Variants in IGSF8 observed in about 807,000 individuals in gnomAD.
IGSF8 encodes immunoglobulin superfamily member 8.
In IGSF8, 46 loss-of-function variants were observed where a neutral mutation model predicts 55.5. The observed-to-expected ratio is 0.83, with a 90% CI of 0.65 to 1.06. The LOEUF (loss-of-function observed/expected upper bound fraction) is 1.06, where lower values mean the gene tolerates loss of function less well. IGSF8 is among the 50% of genes least tolerant of loss of function. IGSF8 has a pLI of 0.00. For missense variants in IGSF8, 731 were observed against 832.3 expected, an observed-to-expected ratio of 0.88 and a Z score of 1.50; for synonymous variants, 314 against 356.1, an observed-to-expected ratio of 0.88 and a Z score of 1.33.
Position 160,093,329 on chromosome 1 carries a change from T to C in IGSF8, c.907A>G (p.Ser303Gly). The C allele has an allele frequency of 1.3e-6, 2 of 1,581,014 alleles. No individual in the cohort carries two copies. Among genetic ancestry groups the C allele is most frequent in the Non-Finnish European group, 1.7e-6 (2 of 1,156,012 alleles). The change falls in exon 4 of 7, where the codon AGC becomes GGC. Residue 303 changes from serine (S) to glycine (G), a missense_variant and splice_region_variant. Ser to Gly is a moderately conservative substitution (Grantham distance 56). Transcript: ENST00000314485. ...GGCCCCACTGTCACTGCCAGCTGGC[T>C]GGCTGAAACACAGGTAGGGGAAGAG... Reference protein sequence around the residue: ...LAHVDVQTLSSQLAVTVGPGE... With the variant: ...LAHVDVQTLSGQLAVTVGPGE...
rs773908198 is a variant in IGSF8, at chr1:160,095,046, C to G, written c.265G>C (p.Ala89Pro). The G allele has an allele frequency of 5.0e-6, 8 of 1,614,078 alleles. No homozygotes were observed. Among genetic ancestry groups the G allele is most frequent in the Non-Finnish European group, 6.8e-6 (8 of 1,180,050 alleles). ...VSTKDTQFSY[A>P]VFKSRVVAGE... ...GCCACCACTCGGGACTTGAAGACAGCATAGGAGAACTGGGTATCCTTGGTA... is the reference window on the plus strand; with the variant it reads ...GCCACCACTCGGGACTTGAAGACAGGATAGGAGAACTGGGTATCCTTGGTA... The change falls in exon 2 of 7, where the codon GCT (alanine) becomes CCT (proline). Residue 89 changes from alanine (A) to proline (P), a missense_variant. Transcript: ENST00000314485.
chr1:160,092,565 C>T lies in IGSF8; in HGVS notation c.1443G>A (p.Val481=), dbSNP rs1650050364. 1.9e-6 allele frequency: 3 copies of T among 1,610,522 alleles called. No individual in the cohort carries two copies. Among genetic ancestry groups the T allele is most frequent in the Non-Finnish European group, 2.5e-6 (3 of 1,179,694 alleles). Reference sequence around the variant, plus strand: ...TGAGCTCTCCGTCCTCTGGTCGCTCCACCCACCAGCTGGCGGCCAGCCGCA... The same window carrying T: ...TGAGCTCTCCGTCCTCTGGTCGCTCTACCCACCAGCTGGCGGCCAGCCGCA... ...PGLRLAASWW[V]ERPEDGELSS... is the part of the protein sequence containing the mutation. The change falls in exon 5 of 7, where the codon GTG becomes GTA. Residue 481 remains valine (V), a synonymous_variant. Coordinates refer to ENST00000314485, the MANE Select transcript of IGSF8 (RefSeq NM_052868.6).
rs781062784 is a variant in IGSF8 at position 160,092,913 on chromosome 1, C to A, written c.1312+11G>T. 6.3e-6 allele frequency: 10 copies of A among 1,585,954 alleles called. No homozygotes were observed. The Middle Eastern group carries it at 6.7e-4, about 106-fold the overall frequency. ...TCCTCGAACCCCGTCCAGGGCCCAGCCCCCTCTCACCTTCCTCCCGCACAT... is the reference window on the plus strand; with the variant it reads ...TCCTCGAACCCCGTCCAGGGCCCAGACCCCTCTCACCTTCCTCCCGCACAT... On this transcript the variant is annotated intron_variant, in intron 4 of 6. Transcript: ENST00000314485.
Position 160,093,123 on chromosome 1 carries a change from G to A in IGSF8, c.1113C>T (p.Gly371=), listed in dbSNP as rs774281633. The A allele has an allele frequency of 4.3e-6, 7 of 1,613,826 alleles. No individual in the cohort carries two copies. Among genetic ancestry groups the A allele is most frequent in the Non-Finnish European group, 5.1e-6 (6 of 1,179,796 alleles). ...QLDTEGVGSL[G]PGYEGRHIAM... is the part of the protein sequence containing the mutation. ...CAATGTGTCGGCCCTCATAGCCAGG[G>A]CCCAGGCTGCCCACACCCTCTGTGT... Residue 371 remains glycine (G), a synonymous_variant, in exon 4 of 7, where the codon GGC becomes GGT. Transcript: ENST00000314485.
intron 1 of IGSF8, 196 bp from the exon 2 acceptor site, chr1:160,095,442 T>C: frequency 1.6e-6 from 1 of 631,708 alleles, no homozygotes; most frequent in Non-Finnish European, 2.7e-6. Flanking sequence ...GGAGGTGGCA[T>C]GGGCCCAGGA....
chr1:160,092,489 C>T lies in IGSF8; in HGVS notation c.1519G>A (p.Glu507Lys), dbSNP rs148490738. The T allele has an allele frequency of 1.3e-5, 21 of 1,613,558 alleles. No homozygotes were observed. The African/African-American group carries it at 2.8e-4, about 21-fold the overall frequency. Residue 507 changes from glutamate (E) to lysine (K), a missense_variant, in exon 5 of 7, where the codon GAG becomes AAG. Glu to Lys is a moderately conservative substitution (Grantham distance 56). Transcript: ENST00000314485. ...CCTCCTCCAGGCCGGACTCCCAGCTCTGCCACACCATCCTGGCCTACGCCA... is the reference window on the plus strand; with the variant it reads ...CCTCCTCCAGGCCGGACTCCCAGCTTTGCCACACCATCCTGGCCTACGCCA... ...VGGVGQDGVA[E>K]LGVRPGGGPV... is the part of the protein sequence containing the mutation.
At position 160,094,035 on chromosome 1, in the gene IGSF8, C is replaced by G. The variant is rs1650232856; in HGVS notation, c.579G>C (p.Gln193His). The G allele has an allele frequency of 6.2e-7, 1 of 1,614,118 alleles. No homozygotes were observed. The highest frequency in any genetic ancestry group is 8.5e-7 in the Non-Finnish European group (1 of 1,180,048). The change falls in exon 3 of 7, where the codon CAG becomes CAC. Residue 193 changes from glutamine (Q) to histidine (H), a missense_variant. Physicochemically the swap from Gln to His is conservative, Grantham distance 24. Coordinates refer to ENST00000314485, the MANE Select transcript of IGSF8 (RefSeq NM_052868.6). The surrounding 1 kb of genome is among the most constrained non-coding windows in gnomAD (Gnocchi z 4.0). ...AGGACACTGCCAGGTGTGTGTGCTTCTGTGTGCTTGTCCTCGCCAGGCAGC... is the reference window on the plus strand; with the variant it reads ...AGGACACTGCCAGGTGTGTGTGCTTGTGTGTGCTTGTCCTCGCCAGGCAGC... ...ALGCLARTST[Q>H]KHTHLAVSFG... is the part of the protein sequence containing the mutation.
intron 3 of IGSF8, 69 bp from the exon 4 acceptor site, chr1:160,093,400 C>A (rs1012178116): frequency 2.1e-5 from 30 of 1,457,924 alleles, no homozygotes; most frequent in Non-Finnish European, 2.6e-5. Flanking sequence ...GATTCCCCAA[C>A]TTCCTGTTTC....
In IGSF8 at chr1:160,097,914, TTGA is replaced by T. The variant is rs561684575; in HGVS notation, c.64+492_64+494del. 540 of 985,420 alleles carry T rather than the reference TTGA, an allele frequency of 5.5e-4. 6 individuals carry two copies. In the African/African-American group the frequency reaches 8.7e-3, roughly 16 times the overall value. 61.0% of individuals were successfully genotyped at this position (985,420 alleles called of 1,614,324 possible). On this transcript the variant is annotated intron_variant, in intron 1 of 6. Coordinates refer to ENST00000314485, the MANE Select transcript of IGSF8 (RefSeq NM_052868.6). ...GGGTGAGAGAGGGAACTGCCCCCAG[TTGA>T]TGAAGTGCGTGGAGCGCAACTGGGA...
rs1320423074 is a variant in IGSF8 at position 160,094,176 on chromosome 1, A to G, written c.443-5T>C. The G allele has an allele frequency of 1.9e-6, 3 of 1,583,250 alleles. No individual in the cohort carries two copies. In the South Asian group the frequency reaches 3.4e-5, roughly 18 times the overall value. On this transcript the variant is annotated splice_polypyrimidine_tract_variant and splice_region_variant and intron_variant, in intron 2 of 6. Coordinates refer to ENST00000314485, the MANE Select transcript of IGSF8 (RefSeq NM_052868.6). This position sits in a 1 kb window ranked among gnomAD's most constrained non-coding sequence, Gnocchi z 4.0. ...CCTGGAGGACATCTGGAAGAACTGG[A>G]GAGAACAGCTGGAGTGAGGGAGGGC...
chr1:160,094,235 G>T lies in IGSF8; in HGVS notation c.443-64C>A. ...GGCAGCCCTTGTTACTGTTTCCTGT[G>T]TATAGCCTATCTCCCTAAATAAACT... On this transcript the variant is annotated intron_variant, in intron 2 of 6. Coordinates refer to ENST00000314485, the MANE Select transcript of IGSF8 (RefSeq NM_052868.6). This position sits in a 1 kb window ranked among gnomAD's most constrained non-coding sequence, Gnocchi z 4.0. The T allele has an allele frequency of 9.8e-7, 1 of 1,017,598 alleles. No individual in the cohort carries two copies. Among genetic ancestry groups the T allele is most frequent in the Non-Finnish European group, 1.4e-6 (1 of 699,190 alleles). 63.0% of individuals were successfully genotyped at this position (1,017,598 alleles called of 1,614,324 possible). A position where few individuals can be genotyped will look rare whatever the true frequency, so the allele number is the denominator to read the frequency against.
chr1:160,092,580 G>A lies in IGSF8; in HGVS notation c.1428C>T (p.Ala476=), dbSNP rs753199239. Residue 476 remains alanine (A), a synonymous_variant, in exon 5 of 7, where the codon GCC becomes GCT. Transcript: ENST00000314485. ...VRGGPPGLRL[A]ASWWVERPED... ...CTGGTCGCTCCACCCACCAGCTGGC[G>A]GCCAGCCGCAGTCCTGGGGGGCCAC... 1.9e-5 allele frequency: 30 copies of A among 1,609,182 alleles called. No individual in the cohort carries two copies. The highest frequency in any genetic ancestry group is 2.7e-5 in the African/African-American group (2 of 74,946).
At chr1:160,091,738 A>G (rs2101952840) in intron 6 of IGSF8, 70 bp downstream of exon 6, 1 of 966,082 alleles carries the variant, frequency 1.0e-6, no homozygotes, top group Non-Finnish European at 1.7e-6. Flanking sequence ...CCTGGGAGGG[A>G]GCAGCTTGGT....
chr1:160,098,313 G>A, intron 1 of IGSF8, 96 bp downstream of exon 1: 1 of 1,479,194 alleles, frequency 6.8e-7, no homozygotes. Context: ...TACCCCTGAC[G>A]GAGGAGGATG....
Position 160,093,919 on chromosome 1 carries a change from G to T in IGSF8, c.695C>A (p.Ala232Asp). 6.2e-7 allele frequency: 1 copy of T among 1,614,252 alleles called. No individual in the cohort carries two copies. The highest frequency in any genetic ancestry group is 8.5e-7 in the Non-Finnish European group (1 of 1,180,042). Reference sequence around the variant, plus strand: ...TGCAGCCAATCGCTCAGCATAGGGAGCTCCAGCCTCCACGGCCAAGTCTGA... The same window carrying T: ...TGCAGCCAATCGCTCAGCATAGGGATCTCCAGCCTCCACGGCCAAGTCTGA... ...IRSDLAVEAG[A>D]PYAERLAAGE... Residue 232 changes from alanine (A) to aspartate (D), a missense_variant, in exon 3 of 7, where the codon GCT (alanine) becomes GAT (aspartate). Coordinates refer to ENST00000314485, the MANE Select transcript of IGSF8 (RefSeq NM_052868.6).
chr1:160,097,436 T>C (rs1650507324), intron 1 of IGSF8, among the ~76,000 whole-genome samples: 1 of 152,100 alleles, frequency 6.6e-6, no homozygotes, highest in Non-Finnish European at 1.5e-5. Context: ...ACTGTGGAGC[T>C]CTGGTCTAGA....
In IGSF8 at chr1:160,092,433, T is replaced by C; in HGVS notation, c.1575A>G (p.Arg525=). The C allele has an allele frequency of 6.2e-7, 1 of 1,610,826 alleles. No homozygotes were observed. Among genetic ancestry groups the C allele is most frequent in the Non-Finnish European group, 8.5e-7 (1 of 1,177,712 alleles). Reference sequence around the variant, plus strand: ...AGCTGTGTAGTCTCAGCCGATGGCTTCGGGGCCCCACCAGCTCTACGCTGA... The same window carrying C: ...AGCTGTGTAGTCTCAGCCGATGGCTCCGGGGCCCCACCAGCTCTACGCTGA... ...GPVSVELVGP[R]SHRLRLHSLG... Residue 525 remains arginine (R), a synonymous_variant, in exon 5 of 7, where the codon CGA becomes CGG. Transcript: ENST00000314485.
At chr1:160,095,989 A>C (rs1052760432) in intron 1 of IGSF8, among the ~76,000 whole-genome samples, 2 of 152,216 alleles carry the variant, frequency 1.3e-5, no homozygotes, top group East Asian at 3.8e-4. Flanking sequence ...TGCCTGCCCC[A>C]GTTCCTTAAC....
Position 160,098,416 on chromosome 1 carries a change from T to C in IGSF8, c.57A>G (p.Leu19=). The C allele has an allele frequency of 6.5e-7, 1 of 1,549,468 alleles. No homozygotes were observed. The highest frequency in any genetic ancestry group is 8.7e-7 in the Non-Finnish European group (1 of 1,146,080). Residue 19 remains leucine, a synonymous_variant, in exon 1 of 7, where the codon CTA becomes CTG. Transcript: ENST00000314485. The part of the protein sequence containing the change: ...LPPSLPLLLL[L]MLGMGCWARE... ...AACGGGGGCCTGGCTTACCTAGCAT[T>C]AGCAGCAGCAGCAGCGGCAGCGAAG...
Sources: allele counts gnomAD v4.1 joint callset (sites outside exome capture counted in the v4.1 genomes callset), GRCh38; gene constraint gnomAD v4.1.1; non-coding constraint Gnocchi (gnomAD v3.1); transcripts MANE v1.5; gene names NCBI Gene and HGNC (gene_info 2026-07-23, HGNC 2026-07-21).